The following SCAI variants were observed in gnomAD, a reference collection of about 807,000 sequenced individuals.
SCAI encodes the protein protein SCAI.
A neutral mutation model predicts 92.2 loss-of-function variants in SCAI; 24 were observed. That is an observed-to-expected ratio of 0.26 (90% CI 0.19 to 0.37). The LOEUF (loss-of-function observed/expected upper bound fraction) is 0.37. SCAI is among the 10% of genes least tolerant of loss of function. The probability of loss-of-function intolerance (pLI) is 1.00; values close to 1 mark genes in which losing one functional copy is unlikely to be tolerated. For missense variants in SCAI, 450 were observed against 736.2 expected (o/e 0.61, Z 4.50); for synonymous variants, 261 against 258.6 (o/e 1.01, Z -0.09).
chr9:125,007,939 G>A (rs911939264), intron 9 of SCAI, among the ~76,000 whole-genome samples: 5 of 151,566 alleles, frequency 3.3e-5, no homozygotes, highest in South Asian at 4.1e-4. Context: ...TCCACCTCCC[G>A]GGTTCACGCC....
At chr9:125,106,110 A>T (rs1834775174) in intron 2 of SCAI, among the ~76,000 whole-genome samples, 1 of 49,226 alleles carries the variant, frequency 2.0e-5, no homozygotes, top group Non-Finnish European at 4.2e-5. Flanking sequence ...AAAAAAAAAA[A>T]AAAAAAAAAA....
chr9:125,008,429 C>T (rs1832560490), intron 9 of SCAI, among the ~76,000 whole-genome samples: 1 of 152,150 alleles, frequency 6.6e-6, no homozygotes, highest in Non-Finnish European at 1.5e-5. Context: ...GAGCCACTGC[C>T]TGGCCTGATA....
intron 3 of SCAI, among the ~76,000 whole-genome samples, chr9:125,036,466 G>C (rs866897220): frequency 1.3e-5 from 2 of 152,130 alleles, no homozygotes; most frequent in Admixed American, 6.6e-5. Context: ...TAAATGCCAG[G>C]AAAACTAAAA....
At chr9:125,090,538 A>G (rs573006859) in intron 2 of SCAI, among the ~76,000 whole-genome samples, 1 of 152,308 alleles carries the variant, frequency 6.6e-6, no homozygotes, top group South Asian at 2.1e-4. Flanking sequence ...AATTTTAACA[A>G]CAGCCTAATG....
At chr9:125,053,916 G>A (rs547023860) in intron 3 of SCAI, among the ~76,000 whole-genome samples, 1 of 152,176 alleles carries the variant, frequency 6.6e-6, no homozygotes, top group East Asian at 1.9e-4. Context: ...AGTTACACAA[G>A]GGATTTAAAT....
intron 2 of SCAI, chr9:125,065,907 C>T: frequency 1.5e-6 from 1 of 670,884 alleles, no homozygotes; most frequent in Non-Finnish European, 2.7e-6. Context: ...AAAAAGAAAC[C>T]AACTCAGCAA....
At chr9:125,015,622 C>T (rs567994352) in intron 9 of SCAI, among the ~76,000 whole-genome samples, 29 of 152,184 alleles carry the variant, frequency 1.9e-4, no homozygotes, top group African/African-American at 6.5e-4. Context: ...GTCAGTGTGG[C>T]GATTCCTCAG....
At chr9:125,095,815 A>AAAAAC (rs1426992040) in intron 2 of SCAI, among the ~76,000 whole-genome samples, 73 of 152,348 alleles carry the variant, frequency 4.8e-4, no homozygotes, top group African/African-American at 1.7e-3. Context: ...AGAAGCCTGG[A>AAAAAC]AAAACAAAAC....
At position 125,058,267 on chromosome 9, in the gene SCAI, A is replaced by C. The variant is rs558824232; in HGVS notation, c.99-2260T>G. 9.2e-5 allele frequency among the ~76,000 whole-genome samples: 14 copies of C among 152,062 alleles called. 1 individual carries two copies. In the South Asian group the frequency reaches 2.9e-3, roughly 32 times the overall value. On this transcript the variant is annotated intron_variant, in intron 2 of 17. Coordinates refer to ENST00000336505, the MANE Select transcript of SCAI (RefSeq NM_001144877.3). ...AGTGGCTCATGCCTGTAATCCCAGC[A>C]CTCTGGGAGGCCAAGGTGGGTGGAT...
At chr9:125,033,451 G>A (rs886233824) in intron 3 of SCAI, among the ~76,000 whole-genome samples, 2 of 151,764 alleles carry the variant, frequency 1.3e-5, no homozygotes, top group African/African-American at 4.9e-5. Flanking sequence ...GGAACTAGTA[G>A]AAAATAAGGT....
At chr9:125,053,920 T>C (rs1053955614) in intron 3 of SCAI, among the ~76,000 whole-genome samples, 1 of 152,144 alleles carries the variant, frequency 6.6e-6, no homozygotes, top group African/African-American at 2.4e-5. Context: ...ACACAAGGGA[T>C]TTAAATGCAA....
At chr9:125,051,606 T>C (rs191060176) in intron 3 of SCAI, among the ~76,000 whole-genome samples, 6 of 152,348 alleles carry the variant, frequency 3.9e-5, no homozygotes, top group Admixed American at 3.3e-4. Context: ...ATCATTACAA[T>C]GGTATGTATG....
intron 2 of SCAI, among the ~76,000 whole-genome samples, chr9:125,139,024 T>TG (rs1290268743): frequency 6.6e-6 from 1 of 150,566 alleles, no homozygotes. Context: ...AGAGGGAGGG[T>TG]GGGGGGAAGC....
chr9:124,976,944 C>T (rs1831771490), intron 14 of SCAI, among the ~76,000 whole-genome samples: 1 of 151,924 alleles, frequency 6.6e-6, no homozygotes, highest in Non-Finnish European at 1.5e-5. Flanking sequence ...TCTCGGTTCA[C>T]TGAAACCTCC....
At chr9:125,026,533 T>A (rs1356582262) in intron 6 of SCAI, among the ~76,000 whole-genome samples, 2 of 152,114 alleles carry the variant, frequency 1.3e-5, no homozygotes, top group Admixed American at 1.3e-4. Flanking sequence ...TGTTTTGGAG[T>A]CATTTCTTTT....
chr9:125,052,962 C>T (rs1833591558), intron 3 of SCAI, among the ~76,000 whole-genome samples: 1 of 151,878 alleles, frequency 6.6e-6, no homozygotes, highest in South Asian at 2.1e-4. Context: ...AACTAGAACA[C>T]ATTACTGGTG....
At chr9:125,032,412 G>A (rs556432025) in intron 3 of SCAI, among the ~76,000 whole-genome samples, 8 of 151,206 alleles carry the variant, frequency 5.3e-5, no homozygotes, top group Non-Finnish European at 8.8e-5. Context: ...GGGTGGTCTC[G>A]AACTCCTGAC....
chr9:125,033,693 C>A (rs1251700422), intron 3 of SCAI, among the ~76,000 whole-genome samples: 1 of 152,066 alleles, frequency 6.6e-6, no homozygotes, highest in Non-Finnish European at 1.5e-5. Flanking sequence ...ATACTAAAAA[C>A]CACTGAGTTG....
chr9:125,083,376 G>C (rs192361727), intron 2 of SCAI, among the ~76,000 whole-genome samples: 1 of 152,014 alleles, frequency 6.6e-6, no homozygotes, highest in Non-Finnish European at 1.5e-5. Flanking sequence ...AAATTAGCTG[G>C]GTGTGGTGGT....
Sources: gnomAD v4.1 joint callset for allele counts (sites outside exome capture counted in the v4.1 genomes callset) on GRCh38, gnomAD v4.1.1 for gene constraint, MANE v1.5 for transcripts, NCBI Gene and HGNC (gene_info 2026-07-23, HGNC 2026-07-21) for gene names.